Variants in GUCY1A2 observed in about 807,000 individuals in gnomAD.
The protein encoded by GUCY1A2 is guanylate cyclase 1 soluble subunit alpha 2, also known as guanylate cyclase soluble subunit alpha-2.
In GUCY1A2, 27 loss-of-function variants were observed where a neutral mutation model predicts 63.5. The observed-to-expected ratio is 0.43, with a 90% CI of 0.31 to 0.59. The LOEUF (loss-of-function observed/expected upper bound fraction) is 0.59. Among genes scored for constraint, GUCY1A2 ranks in the 20% least tolerant of loss-of-function variants. The pLI, the probability that GUCY1A2 is intolerant of heterozygous loss-of-function variation, is 0.11. For missense variants in GUCY1A2, 768 were observed against 913.3 expected (o/e 0.84, Z 2.05); for synonymous variants, 364 against 343.5 (o/e 1.06, Z -0.66).
rs34111809 is a variant in GUCY1A2, at chr11:106,675,726, AG to A, written c.*11822del. 0.12 allele frequency: 23,152 copies of A among 190,626 alleles called. 1,967 individuals carry two copies. Among genetic ancestry groups the A allele is most frequent in the African/African-American group, 0.24 (10,311 of 43,032 alleles). The allele number at this position is 190,626 out of a possible 1,614,324, so 11.8% of individuals were successfully genotyped here. A position where few individuals can be genotyped will look rare whatever the true frequency, so the allele number is the denominator to read the frequency against. ...AAGATTGTCCATCATTTCAAGACAA[AG>A]GTTTTCTTAACAGTGAAAATCACAG... On this transcript the variant is annotated 3_prime_UTR_variant, in exon 8 of 8. Coordinates refer to ENST00000526355, the MANE Select transcript of GUCY1A2 (RefSeq NM_000855.3).
intron 4 of GUCY1A2, among the ~76,000 whole-genome samples, chr11:106,849,872 T>C (rs1472530206): frequency 6.6e-6 from 1 of 151,722 alleles, no homozygotes; most frequent in African/African-American, 2.4e-5. Flanking sequence ...TTATTTTTAA[T>C]GGTTTTATTT....
chr11:106,959,719 C>T (rs759277403), intron 3 of GUCY1A2, among the ~76,000 whole-genome samples: 5 of 152,226 alleles, frequency 3.3e-5, no homozygotes, highest in Non-Finnish European at 5.9e-5. Context: ...TCAGCTGAGA[C>T]CTCTGTTGTG....
At chr11:106,991,880 C>T (rs1471382910) in intron 1 of GUCY1A2, among the ~76,000 whole-genome samples, 3 of 152,156 alleles carry the variant, frequency 2.0e-5, no homozygotes, top group East Asian at 1.9e-4. Flanking sequence ...GAATGACTAC[C>T]GTGTTTTACG....
chr11:106,966,111 CTTTTTT>C (rs1374324554), intron 3 of GUCY1A2, among the ~76,000 whole-genome samples: 1 of 151,682 alleles, frequency 6.6e-6, no homozygotes, highest in Non-Finnish European at 1.5e-5. Flanking sequence ...CTTCTCTTTT[CTTTTTT>C]GTTTTTTTGA....
intron 5 of GUCY1A2, among the ~76,000 whole-genome samples, chr11:106,806,216 C>A (rs2171460): frequency 0.92 from 139,484 of 152,230 alleles, 63,974 homozygotes; most frequent in East Asian, 1. Context: ...ATGGTATTCT[C>A]AACTCTTTAT....
chr11:106,706,119 A>C (rs1862905789), intron 7 of GUCY1A2, among the ~76,000 whole-genome samples: 1 of 152,190 alleles, frequency 6.6e-6, no homozygotes, highest in Non-Finnish European at 1.5e-5. Context: ...TGGAATGAAC[A>C]ATTCAAAAAA....
At chr11:106,696,497 A>T (rs1862721949) in intron 7 of GUCY1A2, among the ~76,000 whole-genome samples, 1 of 152,196 alleles carries the variant, frequency 6.6e-6, no homozygotes, top group African/African-American at 2.4e-5. Context: ...AATTATTTTT[A>T]AAAATTAATA....
intron 4 of GUCY1A2, among the ~76,000 whole-genome samples, chr11:106,836,477 C>T (rs1435411564): frequency 2.6e-5 from 4 of 152,026 alleles, no homozygotes; most frequent in South Asian, 4.1e-4. Context: ...AGCTGCAGGC[C>T]GCAATATACA....
Position 106,909,383 on chromosome 11 carries a change from G to GTGTGTGTGTGTGTC in GUCY1A2, c.1206+30076_1206+30077insGACACACACACACA, listed in dbSNP as rs1860261182. Among the ~76,000 whole-genome samples, 3 of 150,582 alleles carry GTGTGTGTGTGTGTC rather than the reference G, an allele frequency of 2.0e-5. No individual in the cohort carries two copies. The Admixed American group carries it at 2.0e-4, about 10-fold the overall frequency. ...TGTGTGTGTGTGTGTGTGTGTGTGT[G>GTGTGTGTGTGTGTC]TGTGTGTACGCTTTTCATTCTCTGC... is the stretch of plus-strand genomic sequence containing the variant. On this transcript the variant is annotated intron_variant, in intron 4 of 7. Transcript: ENST00000526355.
At chr11:106,725,908 G>A (rs1863399898) in intron 6 of GUCY1A2, among the ~76,000 whole-genome samples, 1 of 150,928 alleles carries the variant, frequency 6.6e-6, no homozygotes, top group Admixed American at 6.6e-5. Context: ...TCCACAGACT[G>A]TGCAGTACTC....
At chr11:106,775,535 A>G (rs898741356) in intron 6 of GUCY1A2, among the ~76,000 whole-genome samples, 3 of 150,844 alleles carry the variant, frequency 2.0e-5, no homozygotes, top group Non-Finnish European at 4.4e-5. Flanking sequence ...TGTTCCTGTG[A>G]GCTCAGAGAA....
intron 6 of GUCY1A2, among the ~76,000 whole-genome samples, chr11:106,737,006 C>G (rs1863601519): frequency 1.3e-5 from 2 of 152,172 alleles, no homozygotes; most frequent in South Asian, 4.1e-4. Context: ...GAGGGCAGGA[C>G]TAGCCTACAG....
At chr11:106,807,764 G>GT (rs1858711711) in intron 5 of GUCY1A2, among the ~76,000 whole-genome samples, 1 of 152,200 alleles carries the variant, frequency 6.6e-6, no homozygotes. Flanking sequence ...AGCTGCCAGC[G>GT]TGACTAGGAT....
chr11:106,752,426 A>C (rs113350822), intron 6 of GUCY1A2, among the ~76,000 whole-genome samples: 2,171 of 152,296 alleles, frequency 0.014, 51 homozygotes, highest in African/African-American at 0.048. Context: ...CAGTTTTGTT[A>C]CATAGGTATA....
At chr11:106,953,351 C>G (rs953034031) in intron 3 of GUCY1A2, among the ~76,000 whole-genome samples, 1 of 152,170 alleles carries the variant, frequency 6.6e-6, no homozygotes, top group Non-Finnish European at 1.5e-5. Flanking sequence ...GTTGAACCAG[C>G]CTTGCATCCC....
rs1862531312 is a variant in GUCY1A2 at position 106,686,658 on chromosome 11, G to A, written c.*891C>T. 1 of 215,110 alleles carries A rather than the reference G, an allele frequency of 4.6e-6. No individual in the cohort carries two copies. Among genetic ancestry groups the A allele is most frequent in the Non-Finnish European group, 9.4e-6 (1 of 106,688 alleles). The allele number at this position is 215,110 out of a possible 1,614,324, so 13.3% of individuals were successfully genotyped here. On this transcript the variant is annotated 3_prime_UTR_variant, in exon 8 of 8. Coordinates refer to ENST00000526355, the MANE Select transcript of GUCY1A2 (RefSeq NM_000855.3). Reference sequence around the variant, plus strand: ...ATATTTGTAAGTGCTAAGTTGAAAAGGATCCAGTGTAGCAAAGCATTTCAT... The same window carrying A: ...ATATTTGTAAGTGCTAAGTTGAAAAAGATCCAGTGTAGCAAAGCATTTCAT...
At chr11:106,996,605 A>C (rs11212000) in intron 1 of GUCY1A2, among the ~76,000 whole-genome samples, 10,131 of 152,256 alleles carry the variant, frequency 0.067, 861 homozygotes, top group East Asian at 0.3. Flanking sequence ...TTTCACAGTT[A>C]CTTCTCCTTG....
intron 1 of GUCY1A2, among the ~76,000 whole-genome samples, chr11:106,996,213 G>A (rs968393980): frequency 2.0e-5 from 3 of 152,174 alleles, no homozygotes; most frequent in African/African-American, 7.2e-5. Flanking sequence ...AGGATATGGA[G>A]GAAGTGGTAA....
At chr11:106,794,006 A>G (rs74635166) in intron 5 of GUCY1A2, among the ~76,000 whole-genome samples, 7,011 of 152,252 alleles carry the variant, frequency 0.046, 167 homozygotes, top group East Asian at 0.1. Flanking sequence ...TACATATCCA[A>G]AGGAAATGAA....
Sources: gnomAD v4.1 joint callset for allele counts (sites outside exome capture counted in the v4.1 genomes callset) on GRCh38, gnomAD v4.1.1 for gene constraint, MANE v1.5 for transcripts, NCBI Gene and HGNC (gene_info 2026-07-23, HGNC 2026-07-21) for gene names.